Variants in TBXAS1 observed in about 807,000 individuals in gnomAD.
The protein encoded by TBXAS1 is thromboxane A synthase 1, also known as thromboxane-A synthase.
In TBXAS1, 48 loss-of-function variants were observed where a neutral mutation model predicts 60.7. That is an observed-to-expected ratio of 0.79 (90% CI 0.63 to 1.01). The LOEUF (loss-of-function observed/expected upper bound fraction) is 1.01, where lower values mean the gene tolerates loss of function less well. TBXAS1 is among the 50% of genes least tolerant of loss of function. The pLI is 0.00. For missense variants in TBXAS1, 685 were observed against 686.3 expected (o/e 1.00, Z 0.02); for synonymous variants, 287 against 269.7 (o/e 1.06, Z -0.63).
chr7:139,920,340 C>T (rs976586870), intron 4 of TBXAS1, among the ~76,000 whole-genome samples: 15 of 152,308 alleles, frequency 9.8e-5, no homozygotes, highest in Admixed American at 3.3e-4. Context: ...CCTGTTGTCA[C>T]CCCTCTAATG....
chr7:139,865,813 AAGGG>A lies in TBXAS1; in HGVS notation c.90-6405_90-6402del, dbSNP rs1298508635. 5.5e-3 allele frequency among the ~76,000 whole-genome samples: 500 copies of A among 91,368 alleles called. 3 individuals carry two copies. The highest frequency in any genetic ancestry group is 0.014 in the African/African-American group (297 of 21,290). The allele number at this position is 91,368 out of a possible 152,430, so 59.9% of individuals were successfully genotyped here. On this transcript the variant is annotated intron_variant, in intron 1 of 12. Transcript: ENST00000448866. ...GAAGGAAGGAAGGAAAGAAGGAAGG[AAGGG>A]AGGGAGGGAGGGAGGGGGGAAAGGA...
At chr7:139,801,388 TTCTC>T (rs1282860701) in intron 4 of TBXAS1, among the ~76,000 whole-genome samples, 1 of 152,222 alleles carries the variant, frequency 6.6e-6, no homozygotes, top group Non-Finnish European at 1.5e-5. Context: ...TGTTCTTTTT[TTCTC>T]TCTCCTTCAA....
intron 3 of TBXAS1, among the ~76,000 whole-genome samples, chr7:139,878,097 T>TTGTG (rs573781059): frequency 7.8e-6 from 1 of 127,984 alleles, no homozygotes; most frequent in African/African-American, 3.1e-5. Flanking sequence ...TATGAACTAG[T>TTGTG]TGTGTGTGTG....
At chr7:139,914,879 AC>A (rs750112432) in intron 4 of TBXAS1, among the ~76,000 whole-genome samples, 1 of 152,088 alleles carries the variant, frequency 6.6e-6, no homozygotes, top group Non-Finnish European at 1.5e-5. Context: ...CATGACATAA[AC>A]ACATATTGAC....
rs11761051 is a variant in TBXAS1, at chr7:140,004,763, A to T, written c.1135-2328A>T. Among the ~76,000 whole-genome samples, 4 of 152,010 alleles carry T rather than the reference A, an allele frequency of 2.6e-5. No homozygotes were observed. Among genetic ancestry groups the T allele is most frequent in the African/African-American group, 7.2e-5 (3 of 41,390 alleles). ...ACAGCCTTCCCCAGCCAGCCACAGC[A>T]GACTAACCTCCAAGGATCTCTAAAC... On this transcript the variant is annotated intron_variant, in intron 9 of 12. Coordinates refer to ENST00000448866, the MANE Select transcript of TBXAS1 (RefSeq NM_001061.7). The surrounding 1 kb of genome is among the most constrained non-coding windows in gnomAD (Gnocchi z 5.1).
chr7:140,000,613 TATG>T (rs1813600794), intron 9 of TBXAS1, among the ~76,000 whole-genome samples: 1 of 152,196 alleles, frequency 6.6e-6, no homozygotes. Flanking sequence ...ATCAACTACA[TATG>T]AAAAAGTCTC....
At chr7:139,982,910 C>T (rs1159296633) in intron 9 of TBXAS1, among the ~76,000 whole-genome samples, 3 of 152,090 alleles carry the variant, frequency 2.0e-5, no homozygotes, top group African/African-American at 7.2e-5. Context: ...AACTTAGGTC[C>T]CCCAACTCCC....
intron 1 of TBXAS1, among the ~76,000 whole-genome samples, chr7:139,831,045 C>A (rs1207241148): frequency 3.3e-5 from 5 of 151,842 alleles, no homozygotes; most frequent in African/African-American, 1.2e-4. Context: ...ATGTACCAAG[C>A]AGAAGTGGTA....
intron 1 of TBXAS1, among the ~76,000 whole-genome samples, chr7:139,833,693 A>T (rs371623378): frequency 1.6e-5 from 2 of 124,674 alleles, no homozygotes; most frequent in Non-Finnish European, 3.9e-5. Context: ...TCAAAAAAAT[A>T]AAAAAAAGAG....
At chr7:139,929,071 G>C (rs761121965) in intron 4 of TBXAS1, among the ~76,000 whole-genome samples, 2 of 152,162 alleles carry the variant, frequency 1.3e-5, no homozygotes, top group African/African-American at 2.4e-5. Context: ...ATGGTCAAGG[G>C]TCTAACGGAA....
In TBXAS1 at chr7:139,981,733, G is replaced by A. The variant is rs117429428; in HGVS notation, c.1134+19500G>A. 4.7e-3 allele frequency among the ~76,000 whole-genome samples: 710 copies of A among 152,282 alleles called. 6 individuals are homozygous for A. Among genetic ancestry groups the A allele is most frequent in the South Asian group, 0.013 (62 of 4,822 alleles). ...GGCCCCTCACTGGGATTGTTCTTGA[G>A]GATTCCAGACAGACCATAAGTAATT... On this transcript the variant is annotated intron_variant, in intron 9 of 12. Coordinates refer to ENST00000448866, the MANE Select transcript of TBXAS1 (RefSeq NM_001061.7).
rs183145271 is a variant in TBXAS1 at position 139,823,240 on chromosome 7, C to T, written c.-79-6072C>T. On this transcript the variant is annotated intron_variant, in intron 4 of 16. Coordinates refer to the TBXAS1 transcript ENST00000336425. ...TGTGCCATCATAACTATAAGACGGA[C>T]GGAACTTAGGTGATTATATGTCTAT... is the stretch of plus-strand genomic sequence containing the variant. 9.9e-5 allele frequency among the ~76,000 whole-genome samples: 15 copies of T among 151,994 alleles called. No homozygotes were observed. The East Asian group carries it at 1.7e-3, about 18-fold the overall frequency.
chr7:139,985,182 T>C (rs910773510), intron 9 of TBXAS1, among the ~76,000 whole-genome samples: 5 of 152,384 alleles, frequency 3.3e-5, no homozygotes, highest in East Asian at 1.9e-4. Flanking sequence ...GTGTCTTCCA[T>C]CCATGGTTTC....
Position 139,807,381 on chromosome 7 carries a change from C to A in TBXAS1, c.-80+19955C>A, listed in dbSNP as rs143603011. ...GTGATTACAGAGGTGTCCCACCACA[C>A]CTAGTTAATTTTTTTTTTTTTTAGA... On this transcript the variant is annotated intron_variant, in intron 4 of 16. Transcript: ENST00000336425. Among the ~76,000 whole-genome samples the A allele has an allele frequency of 3.3e-3, 504 of 150,882 alleles. 4 individuals carry two copies. Among genetic ancestry groups the A allele is most frequent in the African/African-American group, 0.012 (477 of 41,418 alleles).
chr7:139,920,412 G>A (rs1344352719), intron 4 of TBXAS1, among the ~76,000 whole-genome samples: 2 of 152,172 alleles, frequency 1.3e-5, no homozygotes, highest in African/African-American at 4.8e-5. Flanking sequence ...GAAACAAAGG[G>A]CCCATAGGCC....
chr7:139,948,948 A>G (rs370908778), intron 5 of TBXAS1, among the ~76,000 whole-genome samples: 3 of 152,248 alleles, frequency 2.0e-5, no homozygotes, highest in Non-Finnish European at 4.4e-5. Context: ...TTTTCTCTGC[A>G]TTGCTTTTTA....
intron 7 of TBXAS1, among the ~76,000 whole-genome samples, chr7:139,956,479 C>A (rs1296426687): frequency 2.6e-5 from 4 of 152,318 alleles, no homozygotes; most frequent in African/African-American, 9.6e-5. Flanking sequence ...TGAGATTTTG[C>A]CCTCTGGCCA....
chr7:139,991,560 G>T (rs1812904649), intron 9 of TBXAS1, among the ~76,000 whole-genome samples: 1 of 152,140 alleles, frequency 6.6e-6, no homozygotes, highest in African/African-American at 2.4e-5. Flanking sequence ...GCTGCTAAGG[G>T]GACCCTTGCA....
rs141840750 is a variant in TBXAS1, at chr7:139,887,355, A to G, written c.236+11718A>G. 7.8e-3 allele frequency among the ~76,000 whole-genome samples: 1,184 copies of G among 152,314 alleles called. 9 individuals are homozygous for G. The highest frequency in any genetic ancestry group is 0.012 in the Non-Finnish European group (830 of 68,022). ...ACCTTCACATTGTCGTGCAGCTATC[A>G]TCATCGTTCACATCCAGAATTTTTT... On this transcript the variant is annotated intron_variant, in intron 3 of 12. Transcript: ENST00000448866.
Sources: allele counts gnomAD v4.1 joint callset (sites outside exome capture counted in the v4.1 genomes callset), GRCh38; gene constraint gnomAD v4.1.1; non-coding constraint Gnocchi (gnomAD v3.1); transcripts MANE v1.5; gene names NCBI Gene and HGNC (gene_info 2026-07-23, HGNC 2026-07-21).